The following CNGB3 variants were observed in gnomAD, a reference collection of about 807,000 sequenced individuals.
CNGB3 encodes cyclic nucleotide-gated channel beta-3.
In CNGB3, 86 loss-of-function variants were observed where a neutral mutation model predicts 92.8. The observed-to-expected ratio is 0.93, with a 90% confidence interval of 0.78 to 1.11. The LOEUF is 1.11. Ranked by LOEUF, CNGB3 falls within the 50% of genes least tolerant of loss-of-function variation. CNGB3 has a pLI of 0.00. For synonymous variants in CNGB3, 333 were observed against 332.7 expected (o/e 1.00, Z -0.01); for missense variants, 1,026 against 956.8 (o/e 1.07, Z -0.95).
chr8:86,592,196 G>C (rs1185193546), intron 15 of CNGB3, among the ~76,000 whole-genome samples: 1 of 152,158 alleles, frequency 6.6e-6, no homozygotes, highest in Non-Finnish European at 1.5e-5. Context: ...GCCCTGCTTT[G>C]GCTCACGCAC....
At chr8:86,587,397 C>A (rs1443025515) in intron 15 of CNGB3, among the ~76,000 whole-genome samples, 1 of 152,050 alleles carries the variant, frequency 6.6e-6, no homozygotes, top group Non-Finnish European at 1.5e-5. Flanking sequence ...GTGTTTTAGA[C>A]CTGAAGTCCT....
At chr8:86,597,156 G>C (rs552740606) in intron 15 of CNGB3, among the ~76,000 whole-genome samples, 44 of 152,272 alleles carry the variant, frequency 2.9e-4, no homozygotes, top group South Asian at 8.3e-4. Flanking sequence ...ATGTACCCCA[G>C]AACGTAAAGT....
chr8:86,671,770 A>G (rs1823866262), intron 3 of CNGB3, among the ~76,000 whole-genome samples: 1 of 152,166 alleles, frequency 6.6e-6, no homozygotes, highest in Admixed American at 6.5e-5. Context: ...CAGAGGTACA[A>G]CTGCGGGAAC....
intron 2 of CNGB3, among the ~76,000 whole-genome samples, chr8:86,730,313 A>G (rs1472076208): frequency 1.3e-5 from 2 of 152,236 alleles, no homozygotes; most frequent in East Asian, 3.8e-4. Flanking sequence ...GGATTCAAAG[A>G]AAGAACCTAA....
intron 2 of CNGB3, among the ~76,000 whole-genome samples, chr8:86,728,386 T>C (rs553494416): frequency 8.9e-5 from 11 of 123,628 alleles, no homozygotes; most frequent in African/African-American, 3.9e-4. Flanking sequence ...TGTCATTTTG[T>C]ACTAACAAGC....
intron 3 of CNGB3, among the ~76,000 whole-genome samples, chr8:86,680,926 C>A (rs1824070007): frequency 6.6e-6 from 1 of 152,072 alleles, no homozygotes; most frequent in Non-Finnish European, 1.5e-5. Flanking sequence ...TTTATTATCA[C>A]CATGTGCTAA....
At chr8:86,606,146 GTTTTT>G (rs34987710) in intron 14 of CNGB3, among the ~76,000 whole-genome samples, 2 of 91,986 alleles carry the variant, frequency 2.2e-5, no homozygotes, top group African/African-American at 3.7e-5. Flanking sequence ...TTTGGGGTTG[GTTTTT>G]TTTTTTTTTT....
chr8:86,576,135 A>G lies in CNGB3; in HGVS notation c.2104-5T>C. The stretch of plus-strand genomic sequence containing the variant: ...TCCTTCAGAATTTTCTTTCTTCTGG[A>G]AGGAGCAATTACAAAGAACTGGTGT... On this transcript the variant is annotated splice_polypyrimidine_tract_variant and splice_region_variant and intron_variant, in intron 17 of 17. Transcript: ENST00000320005. 6.3e-7 allele frequency: 1 copy of G among 1,599,164 alleles called. No individual in the cohort carries two copies. Among genetic ancestry groups the G allele is most frequent in the Non-Finnish European group, 8.5e-7 (1 of 1,178,356 alleles).
chr8:86,606,259 T>C (rs1822410570), intron 14 of CNGB3, among the ~76,000 whole-genome samples: 1 of 147,060 alleles, frequency 6.8e-6, no homozygotes. Context: ...CAAGTGATCC[T>C]CCCACCTCAG....
At chr8:86,636,677 G>A (rs182120971) in intron 10 of CNGB3, among the ~76,000 whole-genome samples, 95 of 149,332 alleles carry the variant, frequency 6.4e-4, no homozygotes, top group African/African-American at 2.3e-3. Flanking sequence ...ATGCCATACA[G>A]TAGATTTCTA....
chr8:86,731,774 A>G (rs1276383637), intron 2 of CNGB3, among the ~76,000 whole-genome samples: 1 of 152,180 alleles, frequency 6.6e-6, no homozygotes, highest in Non-Finnish European at 1.5e-5. Context: ...TGAGGATTAG[A>G]TAAAGACTCC....
At chr8:86,637,828 A>T (rs555160733) in intron 10 of CNGB3, among the ~76,000 whole-genome samples, 1 of 152,308 alleles carries the variant, frequency 6.6e-6, no homozygotes, top group East Asian at 1.9e-4. Flanking sequence ...ATGTTAAGAC[A>T]TAGAGCCTTG....
chr8:86,692,747 G>A (rs1344037621), intron 3 of CNGB3, among the ~76,000 whole-genome samples: 1 of 152,018 alleles, frequency 6.6e-6, no homozygotes, highest in African/African-American at 2.4e-5. Context: ...TGACATGTGA[G>A]GTAGGTACTG....
At chr8:86,653,915 G>T in intron 7 of CNGB3, 97 bp downstream of exon 7, 2 of 846,252 alleles carry the variant, frequency 2.4e-6, no homozygotes, top group South Asian at 2.8e-5. Flanking sequence ...ATAAAACTTC[G>T]TATGTACAAA....
chr8:86,600,799 T>A (rs1417563207), intron 15 of CNGB3, among the ~76,000 whole-genome samples: 3 of 133,186 alleles, frequency 2.3e-5, no homozygotes, highest in Admixed American at 7.5e-5. Flanking sequence ...TTTTTTTTTT[T>A]TTTTTTTTTT....
At chr8:86,659,062 C>G in intron 6 of CNGB3, 1 of 875,410 alleles carries the variant, frequency 1.1e-6, no homozygotes, top group East Asian at 2.5e-5. Context: ...TCAGAGGGCC[C>G]TGCTGGGGGC....
rs190648862 is a variant in CNGB3 at position 86,664,872 on chromosome 8, T to G, written c.852+2053A>C. Among the ~76,000 whole-genome samples, 201 of 152,266 alleles carry G rather than the reference T, an allele frequency of 1.3e-3. 1 individual carries two copies. The highest frequency in any genetic ancestry group is 4.3e-3 in the African/African-American group (180 of 41,560). ...CCTCTCTGTGGTTTGGCTGTATTGATGGAGATATGGATGGCTCATTGCTCT... is the reference window on the plus strand; with the variant it reads ...CCTCTCTGTGGTTTGGCTGTATTGAGGGAGATATGGATGGCTCATTGCTCT... On this transcript the variant is annotated intron_variant, in intron 6 of 17. Coordinates refer to ENST00000320005, the MANE Select transcript of CNGB3 (RefSeq NM_019098.5).
chr8:86,626,138 C>A, intron 12 of CNGB3, 58 bp from the exon 13 acceptor site: 1 of 1,349,714 alleles, frequency 7.4e-7, no homozygotes, highest in Non-Finnish European at 1.1e-6. Context: ...AATAAGTCAC[C>A]AAGGTACAAG....
At chr8:86,631,665 G>A (rs1247860517) in intron 11 of CNGB3, among the ~76,000 whole-genome samples, 2 of 152,000 alleles carry the variant, frequency 1.3e-5, no homozygotes, top group Non-Finnish European at 2.9e-5. Flanking sequence ...AATCTCCCCA[G>A]CCATGAAGAT....
Sources: gnomAD v4.1 joint callset for allele counts (sites outside exome capture counted in the v4.1 genomes callset) on GRCh38, gnomAD v4.1.1 for gene constraint, MANE v1.5 for transcripts, NCBI Gene and HGNC (gene_info 2026-07-23, HGNC 2026-07-21) for gene names.